Variants in GNG12 observed in about 807,000 individuals in gnomAD.
GNG12 encodes guanine nucleotide-binding protein G(I)/G(S)/G(O) subunit gamma-12.
For synonymous variants in GNG12, 28 were observed against 29.7 expected (o/e 0.94, Z 0.19); for missense variants, 69 against 83.8 (o/e 0.82, Z 0.69).
intron 1 of GNG12, among the ~76,000 whole-genome samples, chr1:67,779,673 T>C (rs985492151): frequency 8.5e-5 from 13 of 152,176 alleles, no homozygotes; most frequent in African/African-American, 2.7e-4. Context: ...TTCTCTGCAG[T>C]AGCGCCAATA....
intron 2 of GNG12, among the ~76,000 whole-genome samples, chr1:67,753,280 G>T (rs547331970): frequency 6.6e-6 from 1 of 151,566 alleles, no homozygotes; most frequent in African/African-American, 2.4e-5. Context: ...ACACTCAAAT[G>T]AAATGCTTAC....
intron 2 of GNG12, among the ~76,000 whole-genome samples, chr1:67,739,517 G>C (rs1203473296): frequency 1.3e-5 from 2 of 152,248 alleles, no homozygotes; most frequent in African/African-American, 4.8e-5. Flanking sequence ...TATTGGGACA[G>C]CTACGTTGGA....
chr1:67,798,335 G>C (rs1023210412), intron 1 of GNG12, among the ~76,000 whole-genome samples: 1 of 152,166 alleles, frequency 6.6e-6, no homozygotes, highest in Non-Finnish European at 1.5e-5. Flanking sequence ...CTTAACTCCT[G>C]ATGATCTGAG....
chr1:67,726,793 AAGTACATTACT>A (rs1646388917), intron 2 of GNG12, among the ~76,000 whole-genome samples: 1 of 152,188 alleles, frequency 6.6e-6, no homozygotes, highest in Admixed American at 6.5e-5. Flanking sequence ...TAAGTTCCCA[AAGTACATTACT>A]AGTGCATGTG....
At chr1:67,805,146 T>C (rs1247482044) in intron 1 of GNG12, among the ~76,000 whole-genome samples, 2 of 152,216 alleles carry the variant, frequency 1.3e-5, no homozygotes, top group Non-Finnish European at 2.9e-5. Flanking sequence ...TGTGAGTTCA[T>C]AGTCCTGGAT....
intron 2 of GNG12, among the ~76,000 whole-genome samples, chr1:67,712,438 C>A (rs1260856266): frequency 6.6e-6 from 1 of 152,218 alleles, no homozygotes; most frequent in Non-Finnish European, 1.5e-5. Context: ...CACCTGCAAT[C>A]CCAACACTTT....
rs3835467 is a variant in GNG12 at position 67,762,235 on chromosome 1, CA to C, written c.-27+15222del. On this transcript the variant is annotated intron_variant, in intron 2 of 3. Coordinates refer to ENST00000370982, the MANE Select transcript of GNG12 (RefSeq NM_018841.6). ...TGCCACATTTGCCCAGTACCTAACA[CA>C]AGATTGTAATCACTGACTTGTTTAT... Among the ~76,000 whole-genome samples, 4 of 152,272 alleles carry C rather than the reference CA, an allele frequency of 2.6e-5. No homozygotes were observed. In the East Asian group the frequency reaches 7.7e-4, roughly 29 times the overall value.
rs184299847 is a variant in GNG12 at position 67,783,086 on chromosome 1, T to C, written c.-76-5579A>G. On this transcript the variant is annotated intron_variant, in intron 1 of 3. Coordinates refer to ENST00000370982, the MANE Select transcript of GNG12 (RefSeq NM_018841.6). The stretch of plus-strand genomic sequence containing the variant: ...CTTTTGTATATACTTGCTGTAAGGA[T>C]AAAAAAAGAAAATCTTAGCACAGTG... Among the ~76,000 whole-genome samples the C allele has an allele frequency of 7.5e-4, 114 of 152,226 alleles. 2 individuals carry two copies. Among genetic ancestry groups the C allele is most frequent in the African/African-American group, 2.6e-3 (107 of 41,564 alleles).
intron 1 of GNG12, among the ~76,000 whole-genome samples, chr1:67,798,281 T>C (rs2492873): frequency 0.73 from 111,335 of 152,006 alleles, 40,930 homozygotes; most frequent in Middle Eastern, 0.8. Context: ...TGGTGAACTG[T>C]GCATGCGCAG....
chr1:67,809,128 C>G (rs1646909266), intron 1 of GNG12, among the ~76,000 whole-genome samples: 1 of 152,088 alleles, frequency 6.6e-6, no homozygotes, highest in Non-Finnish European at 1.5e-5. Flanking sequence ...GAAACAGACC[C>G]ACATAGTCAC....
intron 1 of GNG12, among the ~76,000 whole-genome samples, chr1:67,812,006 C>T (rs1002061947): frequency 3.3e-5 from 5 of 152,144 alleles, no homozygotes; most frequent in South Asian, 2.1e-4. Flanking sequence ...GATAGACAGT[C>T]ACAGTTCTCA....
chr1:67,747,058 C>T (rs1214302315), intron 2 of GNG12, among the ~76,000 whole-genome samples: 1 of 152,118 alleles, frequency 6.6e-6, no homozygotes, highest in East Asian at 1.9e-4. Context: ...TGGGATCCAA[C>T]TTTTATGCAC....
At chr1:67,712,936 C>G (rs907093488) in intron 2 of GNG12, among the ~76,000 whole-genome samples, 6 of 152,016 alleles carry the variant, frequency 3.9e-5, no homozygotes, top group African/African-American at 1.5e-4. Flanking sequence ...ACCACGTTGA[C>G]CAGGCTGGTC....
At chr1:67,818,984 ATTTTCT>A (rs1174153202) in intron 1 of GNG12, among the ~76,000 whole-genome samples, 1 of 151,936 alleles carries the variant, frequency 6.6e-6, no homozygotes, top group African/African-American at 2.4e-5. Context: ...CTCATAGACA[ATTTTCT>A]ATTGTCTATG....
intron 2 of GNG12, among the ~76,000 whole-genome samples, chr1:67,720,245 C>CA (rs1458598580): frequency 6.6e-6 from 1 of 152,192 alleles, no homozygotes; most frequent in Non-Finnish European, 1.5e-5. Flanking sequence ...CATGCACACT[C>CA]ATCCTGTGCC....
At chr1:67,821,581 C>T (rs1234971685) in intron 1 of GNG12, among the ~76,000 whole-genome samples, 4 of 152,194 alleles carry the variant, frequency 2.6e-5, no homozygotes, top group Non-Finnish European at 5.9e-5. Flanking sequence ...GAGGCCAACA[C>T]CTTGATTGTG....
At chr1:67,745,364 T>C (rs187426040) in intron 2 of GNG12, among the ~76,000 whole-genome samples, 1 of 152,170 alleles carries the variant, frequency 6.6e-6, no homozygotes, top group Non-Finnish European at 1.5e-5. Flanking sequence ...AGATCTGACA[T>C]GAATTACTGC....
At chr1:67,813,222 A>G (rs1476383523) in intron 1 of GNG12, among the ~76,000 whole-genome samples, 1 of 152,158 alleles carries the variant, frequency 6.6e-6, no homozygotes, top group African/African-American at 2.4e-5. Context: ...TCCTCTAATT[A>G]TTTCAAGGGT....
chr1:67,800,086 C>T (rs975626691), intron 1 of GNG12, among the ~76,000 whole-genome samples: 4 of 152,128 alleles, frequency 2.6e-5, no homozygotes, highest in East Asian at 1.9e-4. Context: ...ATGAACTTCC[C>T]GTATTCTGCT....
Sources: allele counts gnomAD v4.1 joint callset (sites outside exome capture counted in the v4.1 genomes callset), GRCh38; gene constraint gnomAD v4.1.1; transcripts MANE v1.5; gene names NCBI Gene and HGNC (gene_info 2026-07-23, HGNC 2026-07-21).